TMEM178B: variants seen among roughly 807,000 people sequenced by gnomAD.
The protein encoded by TMEM178B is transmembrane protein 178B.
A neutral mutation model predicts 31.0 loss-of-function variants in TMEM178B; 5 were observed. The ratio of observed to expected loss-of-function variants is 0.16; its 90% confidence interval spans 0.08 to 0.34. The LOEUF (loss-of-function observed/expected upper bound fraction) is 0.34, where lower values mean the gene tolerates loss of function less well. TMEM178B is among the 10% of genes least tolerant of loss of function. The pLI, the probability that TMEM178B is intolerant of heterozygous loss-of-function variation, is 1.00. For missense variants in TMEM178B, 275 were observed against 400.3 expected (o/e 0.69, Z 2.67); for synonymous variants, 164 against 164.0 (o/e 1.00, Z 0.00).
intron 2 of TMEM178B, among the ~76,000 whole-genome samples, chr7:141,227,253 A>G (rs1255282238): frequency 6.6e-6 from 1 of 152,228 alleles, no homozygotes; most frequent in African/African-American, 2.4e-5. Context: ...ACTGGCCAGG[A>G]ATAGTGGCAT....
At chr7:141,086,262 C>T (rs1794786200) in intron 1 of TMEM178B, among the ~76,000 whole-genome samples, 1 of 152,162 alleles carries the variant, frequency 6.6e-6, no homozygotes, top group Non-Finnish European at 1.5e-5. Context: ...GAACTCTTGA[C>T]CTCAAGTGAT....
chr7:141,498,536 A>C, the TMEM178B span, among the ~76,000 whole-genome samples: 1 of 152,236 alleles, frequency 6.6e-6, no homozygotes, highest in Admixed American at 6.5e-5. Context: ...GAATACCAAG[A>C]TGTATAGAAT....
chr7:141,104,290 G>A (rs746765430), intron 1 of TMEM178B, among the ~76,000 whole-genome samples: 1 of 152,078 alleles, frequency 6.6e-6, no homozygotes, highest in Non-Finnish European at 1.5e-5. Flanking sequence ...CCTGTATTTC[G>A]AGCACAGTGA....
At chr7:141,320,056 T>A (rs12532401) in intron 2 of TMEM178B, among the ~76,000 whole-genome samples, 49,640 of 151,698 alleles carry the variant, frequency 0.33, 10,432 homozygotes, top group African/African-American at 0.59. Flanking sequence ...TCCCCCATGC[T>A]GTTCTCATGA....
At chr7:141,126,060 A>G (rs1795489878) in intron 1 of TMEM178B, among the ~76,000 whole-genome samples, 1 of 152,196 alleles carries the variant, frequency 6.6e-6, no homozygotes, top group African/African-American at 2.4e-5. Context: ...GGAGCAAGAC[A>G]GTTACCAAGC....
At chr7:141,455,507 G>A (rs1043659984) in intron 3 of TMEM178B, among the ~76,000 whole-genome samples, 1 of 152,224 alleles carries the variant, frequency 6.6e-6, no homozygotes, top group Non-Finnish European at 1.5e-5. Context: ...ACATGAAATT[G>A]CTGTGATGAG....
At chr7:141,260,364 G>A (rs1445370130) in intron 2 of TMEM178B, among the ~76,000 whole-genome samples, 1 of 152,120 alleles carries the variant, frequency 6.6e-6, no homozygotes, top group Non-Finnish European at 1.5e-5. Flanking sequence ...TTGGATAAAC[G>A]TTTTTCAATT....
At chr7:141,506,380 C>A in the TMEM178B span, among the ~76,000 whole-genome samples, 1 of 152,142 alleles carries the variant, frequency 6.6e-6, no homozygotes, top group Non-Finnish European at 1.5e-5. Context: ...ACTTACAGTT[C>A]CACATGGCTG....
chr7:141,314,466 C>T (rs560588087), intron 2 of TMEM178B, among the ~76,000 whole-genome samples: 2 of 152,282 alleles, frequency 1.3e-5, no homozygotes, highest in South Asian at 4.2e-4. Flanking sequence ...TGTGAGCAAT[C>T]GTGTGGTTGC....
intron 1 of TMEM178B, among the ~76,000 whole-genome samples, chr7:141,198,895 G>C (rs868021215): frequency 2.0e-5 from 3 of 152,228 alleles, no homozygotes; most frequent in African/African-American, 4.8e-5. Context: ...TCGCGGCTCT[G>C]AACTTTCCCA....
At chr7:141,262,474 A>ATATATATATATATATATAT (rs1798028077) in intron 2 of TMEM178B, among the ~76,000 whole-genome samples, 2 of 131,866 alleles carry the variant, frequency 1.5e-5, no homozygotes, top group South Asian at 2.6e-4. Flanking sequence ...AAATACATAT[A>ATATATATATATATATATAT]ATATATATAT....
intron 2 of TMEM178B, among the ~76,000 whole-genome samples, chr7:141,260,417 T>G (rs1226626086): frequency 6.6e-6 from 1 of 152,210 alleles, no homozygotes; most frequent in Non-Finnish European, 1.5e-5. Context: ...TTATATTTTT[T>G]TTTGACCATT....
chr7:141,498,084 C>T, the TMEM178B span, among the ~76,000 whole-genome samples: 27 of 152,270 alleles, frequency 1.8e-4, no homozygotes, highest in Non-Finnish European at 3.2e-4. Flanking sequence ...GCAATAAGTC[C>T]CCTTTTGGAA....
intron 2 of TMEM178B, among the ~76,000 whole-genome samples, chr7:141,425,819 T>A (rs529286272): frequency 6.6e-6 from 1 of 152,306 alleles, no homozygotes; most frequent in South Asian, 2.1e-4. Context: ...TTTAGAGCAA[T>A]TCTCTGATCC....
At chr7:141,499,739 A>G in the TMEM178B span, among the ~76,000 whole-genome samples, 1 of 152,284 alleles carries the variant, frequency 6.6e-6, no homozygotes, top group East Asian at 1.9e-4. Context: ...ACAGCATCAA[A>G]TTTAACGTGA....
chr7:141,510,560 C>G, the TMEM178B span, among the ~76,000 whole-genome samples: 2 of 151,338 alleles, frequency 1.3e-5, no homozygotes, highest in Non-Finnish European at 2.9e-5. Flanking sequence ...TGGTGCATGC[C>G]TGTAATCCCA....
At chr7:141,161,559 T>A (rs1796172939) in intron 1 of TMEM178B, among the ~76,000 whole-genome samples, 1 of 152,046 alleles carries the variant, frequency 6.6e-6, no homozygotes, top group Non-Finnish European at 1.5e-5. Context: ...ATGAAGGTCA[T>A]TTGTGACCAT....
At chr7:141,204,892 C>T (rs2129186859) in intron 1 of TMEM178B, among the ~76,000 whole-genome samples, 1 of 152,308 alleles carries the variant, frequency 6.6e-6, no homozygotes, top group East Asian at 1.9e-4. Flanking sequence ...GTGATCACAG[C>T]TCACTGAAGC....
chr7:141,109,424 A>G (rs1418372436), intron 1 of TMEM178B, among the ~76,000 whole-genome samples: 5 of 152,112 alleles, frequency 3.3e-5, no homozygotes, highest in Non-Finnish European at 7.3e-5. Context: ...TGAAATTGTG[A>G]TTATGGAGGA....
Sources: allele counts gnomAD v4.1 joint callset (sites outside exome capture counted in the v4.1 genomes callset), GRCh38; gene constraint gnomAD v4.1.1; transcripts MANE v1.5; gene names NCBI Gene and HGNC (gene_info 2026-07-23, HGNC 2026-07-21).